SLC12A7: variants seen among roughly 807,000 people sequenced by gnomAD.
SLC12A7 encodes K-Cl cotransporter 4.
SLC12A7 carries 100 observed loss-of-function variants against 120.6 expected under a neutral mutation model. That is an observed-to-expected ratio of 0.83 (90% confidence interval 0.71 to 0.98). The LOEUF is 0.98. Ranked by LOEUF, SLC12A7 falls within the 50% of genes least tolerant of loss-of-function variation. SLC12A7 has a pLI of 0.00. For missense variants in SLC12A7, 1,373 were observed against 1,548.1 expected, an observed-to-expected ratio of 0.89 and a Z score of 1.90; for synonymous variants, 760 against 678.0, an observed-to-expected ratio of 1.12 and a Z score of -1.88.
chr5:1,081,013 C>G lies in SLC12A7; in HGVS notation c.1297+564G>C, dbSNP rs368159314. 5.1e-3 allele frequency among the ~76,000 whole-genome samples: 321 copies of G among 62,808 alleles called. 1 individual carries two copies. Among genetic ancestry groups the G allele is most frequent in the South Asian group, 0.019 (42 of 2,186 alleles). 41.2% of individuals were successfully genotyped at this position (62,808 alleles called of 152,430 possible). On this transcript the variant is annotated intron_variant, in intron 9 of 23. Transcript: ENST00000264930. The stretch of plus-strand genomic sequence containing the variant: ...AGAGAGAGACAGAGAGAGAGACAGA[C>G]AGACAGACAGAGAGAGAGAGAGGGA...
chr5:1,120,450 G>A, the SLC12A7 span, among the ~76,000 whole-genome samples: 34 of 152,344 alleles, frequency 2.2e-4, no homozygotes, highest in African/African-American at 7.7e-4. Flanking sequence ...GACGCGCGCC[G>A]TCGGCAGTGT....
At chr5:1,136,469 C>T in the SLC12A7 span, among the ~76,000 whole-genome samples, 1 of 128,302 alleles carries the variant, frequency 7.8e-6, no homozygotes, top group Admixed American at 7.3e-5. Flanking sequence ...CACACGTGTG[C>T]TCAGACACCA....
the SLC12A7 span, among the ~76,000 whole-genome samples, chr5:1,142,521 T>C: frequency 2.4e-4 from 20 of 84,344 alleles, no homozygotes; most frequent in Admixed American, 8.8e-4. Context: ...CCCTCTCCCC[T>C]CTCTTCCCTG....
At chr5:1,112,093 G>T, upstream of SLC12A7, 1 of 1,139,404 alleles carries the variant, frequency 8.8e-7, no homozygotes. Flanking sequence ...CGACCGAGCC[G>T]CCCCGCCCCG....
chr5:1,054,907 A>G (rs925734220), intron 22 of SLC12A7, among the ~76,000 whole-genome samples: 9 of 152,166 alleles, frequency 5.9e-5, no homozygotes, highest in Non-Finnish European at 1.5e-5. Context: ...TTTGAATTCG[A>G]CTTCTGGATA....
the SLC12A7 span, among the ~76,000 whole-genome samples, chr5:1,132,401 T>G: frequency 6.6e-6 from 1 of 152,104 alleles, no homozygotes; most frequent in African/African-American, 2.4e-5. Flanking sequence ...GGAGCCATTC[T>G]TCATCCCTTC....
the SLC12A7 span, among the ~76,000 whole-genome samples, chr5:1,142,039 A>C: frequency 6.6e-6 from 1 of 151,738 alleles, no homozygotes; most frequent in African/African-American, 2.4e-5. Flanking sequence ...CCTGGCCTCC[A>C]CCTTTGCTTC....
chr5:1,078,081 C>T, intron 11 of SLC12A7, 74 bp from the exon 12 acceptor site: 2 of 1,479,122 alleles, frequency 1.4e-6, no homozygotes, highest in Non-Finnish European at 1.8e-6. Context: ...CTTCTCCCAC[C>T]CAGAGCGAGG....
Position 1,083,862 on chromosome 5 carries a change from G to A in SLC12A7, c.1012C>T (p.Leu338Phe). Residue 338 changes from leucine (L) to phenylalanine (F), a missense_variant, in exon 8 of 24, where the codon CTC becomes TTC. Transcript: ENST00000264930. ...GIHNNSATSA[L>F]WGLFCNGSQP... ...GAGCCGTTGCAGAAGAGGCCCCAGA[G>A]CGCGGAGGTGGCTGAGTTGTTGTGG... The A allele has an allele frequency of 4.4e-6, 7 of 1,608,234 alleles. No individual in the cohort carries two copies. The highest frequency in any genetic ancestry group is 1.7e-4 in the Middle Eastern group (1 of 5,996).
rs1480874700 is a variant in SLC12A7, at chr5:1,088,753, G to A, written c.489+229C>T. ...TGCCAGCACGCCAGTCAACACGCCA[G>A]CACTAACCCCGGACAGTGTGGCATC... On this transcript the variant is annotated intron_variant, in intron 4 of 23. Coordinates refer to ENST00000264930, the MANE Select transcript of SLC12A7 (RefSeq NM_006598.3). 5.3e-5 allele frequency among the ~76,000 whole-genome samples: 8 copies of A among 152,202 alleles called. No homozygotes were observed. In the East Asian group the frequency reaches 1.5e-3, roughly 29 times the overall value.
At chr5:1,074,544 C>T (rs1171270994) in intron 16 of SLC12A7, 23 bp downstream of exon 16, 3 of 1,597,980 alleles carry the variant, frequency 1.9e-6, no homozygotes, top group Non-Finnish European at 2.6e-6. Flanking sequence ...GTCTGAGGAC[C>T]ACGGGGCATG....
chr5:1,057,348 G>A (rs545582011), intron 22 of SLC12A7, 123 bp downstream of exon 22: 69 of 1,006,278 alleles, frequency 6.9e-5, no homozygotes, highest in African/African-American at 1.3e-4. Context: ...GTTCTCTAAC[G>A]GGCCCACTGG....
At chr5:1,142,079 G>C in the SLC12A7 span, among the ~76,000 whole-genome samples, 1 of 151,836 alleles carries the variant, frequency 6.6e-6, no homozygotes, top group African/African-American at 2.4e-5. Context: ...GGTGGCGTCA[G>C]GGTGGCCACT....
the SLC12A7 span, among the ~76,000 whole-genome samples, chr5:1,120,988 G>C: frequency 6.6e-6 from 1 of 152,226 alleles, no homozygotes; most frequent in Non-Finnish European, 1.5e-5. Context: ...CTGGGTGCCA[G>C]CTGCACCTCA....
At chr5:1,128,029 T>TG in the SLC12A7 span, among the ~76,000 whole-genome samples, 1 of 152,176 alleles carries the variant, frequency 6.6e-6, no homozygotes, top group Non-Finnish European at 1.5e-5. Context: ...GCGTGATCTC[T>TG]GGTTATTCCA....
chr5:1,092,408 C>A (rs1191219263), intron 3 of SLC12A7, among the ~76,000 whole-genome samples: 1 of 152,228 alleles, frequency 6.6e-6, no homozygotes, highest in Non-Finnish European at 1.5e-5. Flanking sequence ...GGGGGGCCCA[C>A]CCTCCCTGGA....
chr5:1,078,812 G>A (rs566394225), intron 10 of SLC12A7, 54 bp from the exon 11 acceptor site: 34 of 726,596 alleles, frequency 4.7e-5, no homozygotes, highest in South Asian at 1.8e-4. Context: ...CCTCAGGTAC[G>A]GGGGGTGGGG....
chr5:1,108,866 A>C (rs902103208), intron 1 of SLC12A7, among the ~76,000 whole-genome samples: 10 of 152,080 alleles, frequency 6.6e-5, no homozygotes, highest in South Asian at 2.1e-4. Context: ...CAGGCCACTG[A>C]CCACGCAACC....
Position 1,085,404 on chromosome 5 carries a change from G to T in SLC12A7, c.745C>A (p.His249Asn), listed in dbSNP as rs1182600397. ...CACGTGCCGTACACACGCATGTTGT[G>T]CAGCATGGCGGCCGCCTCGCCACCT... is the stretch of plus-strand genomic sequence containing the variant. ...AAGGEAAAMLHNMRVYGTCTL... is the reference protein window; with the variant it reads ...AAGGEAAAMLNNMRVYGTCTL... Residue 249 changes from histidine (H) to asparagine (N), a missense_variant, in exon 7 of 24, where the codon CAC (histidine) becomes AAC (asparagine). By Grantham distance (68) the His-to-Asn change is moderately conservative. Coordinates refer to ENST00000264930, the MANE Select transcript of SLC12A7 (RefSeq NM_006598.3). The T allele has an allele frequency of 6.2e-7, 1 of 1,610,852 alleles. No individual in the cohort carries two copies.
Sources: gnomAD v4.1 joint callset for allele counts (sites outside exome capture counted in the v4.1 genomes callset) on GRCh38, gnomAD v4.1.1 for gene constraint, MANE v1.5 for transcripts, NCBI Gene and HGNC (gene_info 2026-07-23, HGNC 2026-07-21) for gene names.